The following PTPRD variants were observed in gnomAD, a reference collection of about 807,000 sequenced individuals.
PTPRD encodes receptor-type tyrosine-protein phosphatase delta.
In PTPRD, 34 loss-of-function variants were observed where a neutral mutation model predicts 214.5. The ratio of observed to expected loss-of-function variants is 0.16; its 90% CI spans 0.12 to 0.21. The LOEUF (loss-of-function observed/expected upper bound fraction) is 0.21. Ranked by LOEUF, PTPRD falls within the 10% of genes least tolerant of loss-of-function variation. The probability of loss-of-function intolerance (pLI) is 1.00; values close to 1 mark genes in which losing one functional copy is unlikely to be tolerated. For missense variants in PTPRD, 2,545 were observed against 2,398.7 expected, an observed-to-expected ratio of 1.06 and a Z score of -1.27; for synonymous variants, 1,128 against 845.7, an observed-to-expected ratio of 1.33 and a Z score of -5.79.
intron 12 of PTPRD, among the ~76,000 whole-genome samples, chr9:8,683,378 C>A (rs1458948988): frequency 1.4e-5 from 2 of 146,398 alleles, no homozygotes; most frequent in South Asian, 2.1e-4. Flanking sequence ...TGGAGACACT[C>A]CTTTCTCAAA....
chr9:9,403,292 A>AAAAAAAAAAAAAAAAAAAAC, intron 8 of PTPRD, among the ~76,000 whole-genome samples: 1 of 148,754 alleles, frequency 6.7e-6, no homozygotes, highest in African/African-American at 2.5e-5. Context: ...CTCTGTCTCA[A>AAAAAAAAAAAAAAAAAAAAC]AAAAAAAAAA....
intron 11 of PTPRD, among the ~76,000 whole-genome samples, chr9:9,017,041 G>C (rs1473926678): frequency 6.6e-5 from 10 of 151,954 alleles, no homozygotes; most frequent in Non-Finnish European, 1.5e-5. Flanking sequence ...GTAGTGATGT[G>C]TATTATAGAT....
At chr9:9,633,719 C>T (rs1405298519) in intron 7 of PTPRD, among the ~76,000 whole-genome samples, 1 of 152,042 alleles carries the variant, frequency 6.6e-6, no homozygotes, top group East Asian at 1.9e-4. Flanking sequence ...GGGTAAGGCT[C>T]AATGAAGGTA....
At chr9:10,484,060 T>C (rs563638790) in intron 2 of PTPRD, among the ~76,000 whole-genome samples, 25 of 152,168 alleles carry the variant, frequency 1.6e-4, no homozygotes, top group Admixed American at 3.3e-4. Flanking sequence ...GAAAATGCGG[T>C]ATGTGTGTAA....
chr9:9,039,550 A>G (rs137916763), intron 10 of PTPRD, among the ~76,000 whole-genome samples: 3 of 152,310 alleles, frequency 2.0e-5, no homozygotes, highest in African/African-American at 7.2e-5. Flanking sequence ...ATTTGTTTAC[A>G]TGCTGTCTAC....
At position 9,840,089 on chromosome 9, in the gene PTPRD, G is replaced by A. The variant is rs1030128561; in HGVS notation, c.-367-73238C>T. Among the ~76,000 whole-genome samples the A allele has an allele frequency of 1.7e-4, 26 of 152,126 alleles. 1 individual carries two copies. The highest frequency in any genetic ancestry group is 5.8e-4 in the African/African-American group (24 of 41,492). On this transcript the variant is annotated intron_variant, in intron 5 of 45. Coordinates refer to ENST00000381196, the MANE Select transcript of PTPRD (RefSeq NM_002839.4). The stretch of plus-strand genomic sequence containing the variant: ...GTCTCGCTCTGTCACCCAGGCTGAA[G>A]TGCAGTGGTGTGATCTCAGCTCACT...
chr9:8,919,914 G>C (rs1342568632), intron 11 of PTPRD, among the ~76,000 whole-genome samples: 2 of 122,156 alleles, frequency 1.6e-5, no homozygotes, highest in African/African-American at 2.5e-5. Context: ...GTATGCATAA[G>C]TGGATGCATG....
intron 11 of PTPRD, among the ~76,000 whole-genome samples, chr9:8,940,446 C>CTTTTTTTTT (rs34288443): frequency 5.3e-5 from 5 of 95,032 alleles, no homozygotes; most frequent in Non-Finnish European, 6.0e-5. Context: ...CCACTCCCAG[C>CTTTTTTTTT]TTTTTTTTTT....
At chr9:9,106,919 T>A (rs190485740) in intron 10 of PTPRD, among the ~76,000 whole-genome samples, 8 of 152,268 alleles carry the variant, frequency 5.3e-5, no homozygotes, top group Admixed American at 2.0e-4. Flanking sequence ...TTAATCTACC[T>A]TCTATGGGAG....
chr9:8,362,094 C>G (rs187343161), intron 39 of PTPRD, among the ~76,000 whole-genome samples: 37 of 152,326 alleles, frequency 2.4e-4, no homozygotes, highest in African/African-American at 8.2e-4. Flanking sequence ...GTACAGTATG[C>G]AGGCCACAAA....
At chr9:10,113,540 A>G (rs375165146) in intron 3 of PTPRD, among the ~76,000 whole-genome samples, 5 of 152,204 alleles carry the variant, frequency 3.3e-5, no homozygotes, top group African/African-American at 7.2e-5. Flanking sequence ...AACTTATCCA[A>G]TGATAATGAT....
At chr9:9,846,493 T>A (rs1383204634) in intron 5 of PTPRD, among the ~76,000 whole-genome samples, 1 of 152,188 alleles carries the variant, frequency 6.6e-6, no homozygotes, top group Non-Finnish European at 1.5e-5. Flanking sequence ...CAAGTTATTA[T>A]AAAATAAATT....
intron 11 of PTPRD, among the ~76,000 whole-genome samples, chr9:8,999,683 G>T (rs2099410205): frequency 6.6e-6 from 1 of 151,860 alleles, no homozygotes; most frequent in African/African-American, 2.4e-5. Flanking sequence ...GTGTTAACAT[G>T]GCTGGGAATA....
intron 3 of PTPRD, among the ~76,000 whole-genome samples, chr9:10,296,377 T>C (rs1345482692): frequency 2.6e-5 from 4 of 152,046 alleles, no homozygotes; most frequent in South Asian, 2.1e-4. Context: ...CACCCAGCCA[T>C]GCCTCTCAAA....
At chr9:8,519,120 T>C (rs1299005982) in intron 20 of PTPRD, among the ~76,000 whole-genome samples, 1 of 152,102 alleles carries the variant, frequency 6.6e-6, no homozygotes, top group African/African-American at 2.4e-5. Flanking sequence ...GAATAGAAAT[T>C]TCAAATCAAT....
chr9:8,604,154 G>C (rs2095056200), intron 14 of PTPRD, among the ~76,000 whole-genome samples: 1 of 152,148 alleles, frequency 6.6e-6, no homozygotes, highest in Non-Finnish European at 1.5e-5. Context: ...TCAAAAACAA[G>C]ACATAGTCTC....
chr9:9,425,026 A>G (rs4742597), intron 8 of PTPRD, among the ~76,000 whole-genome samples: 122,529 of 152,066 alleles, frequency 0.81, 49,495 homozygotes, highest in Non-Finnish European at 0.81. Context: ...ATCAGTTCTT[A>G]GTTTAAGCTT....
At chr9:9,828,126 A>T (rs554787303) in intron 5 of PTPRD, among the ~76,000 whole-genome samples, 3 of 152,116 alleles carry the variant, frequency 2.0e-5, no homozygotes, top group South Asian at 4.1e-4. Flanking sequence ...ACTAGAAATA[A>T]CATTTGACCC....
intron 12 of PTPRD, among the ~76,000 whole-genome samples, chr9:8,664,457 G>A (rs985431364): frequency 7.2e-5 from 11 of 152,100 alleles, no homozygotes; most frequent in Non-Finnish European, 1.6e-4. Context: ...ACAAATACAA[G>A]GCAAGCACCC....
Sources: allele counts gnomAD v4.1 joint callset (sites outside exome capture counted in the v4.1 genomes callset), GRCh38; gene constraint gnomAD v4.1.1; transcripts MANE v1.5; gene names NCBI Gene and HGNC (gene_info 2026-07-23, HGNC 2026-07-21).